Variants in TG observed in about 807,000 individuals in gnomAD.
The protein encoded by TG is thyroid hormones.
Under a neutral mutation model 324.7 loss-of-function variants are expected in TG, and 270 were observed. The ratio of observed to expected loss-of-function variants is 0.83; its 90% confidence interval spans 0.75 to 0.92. TG has a LOEUF of 0.92. Among genes scored for constraint, TG ranks in the 40% least tolerant of loss-of-function variants. The probability of loss-of-function intolerance (pLI) is 0.00; values close to 1 mark genes in which losing one functional copy is unlikely to be tolerated. For missense variants in TG, 3,591 were observed against 3,456.4 expected, an observed-to-expected ratio of 1.04 and a Z score of -0.98; for synonymous variants, 1,401 against 1,327.0, an observed-to-expected ratio of 1.06 and a Z score of -1.21.
chr8:132,957,204 T>C (rs567948855), intron 27 of TG, among the ~76,000 whole-genome samples: 2 of 152,270 alleles, frequency 1.3e-5, no homozygotes, highest in Admixed American at 1.3e-4. Flanking sequence ...TCTCTGTAGG[T>C]GCTGGTCAGG....
chr8:133,046,565 AC>A (rs1839440306), intron 41 of TG: 2 of 152,180 alleles, frequency 1.3e-5, no homozygotes, highest in South Asian at 4.1e-4. Flanking sequence ...GGCCTGCCAC[AC>A]CCACCCAGCC....
At chr8:132,905,868 G>C (rs1371882788) in intron 16 of TG, among the ~76,000 whole-genome samples, 2 of 152,116 alleles carry the variant, frequency 1.3e-5, no homozygotes, top group Non-Finnish European at 2.9e-5. Context: ...GATATTTGAG[G>C]GTCAAAAAGG....
chr8:133,024,314 CTTT>C (rs1835828619), intron 40 of TG, among the ~76,000 whole-genome samples: 1 of 15,760 alleles, frequency 6.3e-5, no homozygotes, highest in Non-Finnish European at 1.4e-4. Flanking sequence ...CATTTTCTTT[CTTT>C]CTTTCTTTCT....
At chr8:133,021,031 C>G (rs1029624196) in intron 39 of TG, among the ~76,000 whole-genome samples, 1 of 152,112 alleles carries the variant, frequency 6.6e-6, no homozygotes, top group African/African-American at 2.4e-5. Context: ...GCCTCAGATC[C>G]CCAGCTCAGA....
chr8:132,883,759 G>C (rs1587233961), intron 8 of TG, among the ~76,000 whole-genome samples: 1 of 152,144 alleles, frequency 6.6e-6, no homozygotes, highest in Non-Finnish European at 1.5e-5. Flanking sequence ...CGGAGGCAAC[G>C]GGGCTAATTA....
intron 35 of TG, among the ~76,000 whole-genome samples, chr8:132,996,723 ATGG>A (rs1296521998): frequency 2.0e-5 from 3 of 152,160 alleles, no homozygotes; most frequent in African/African-American, 7.2e-5. Flanking sequence ...TTTAGAGGTG[ATGG>A]TGGTGGAGGA....
intron 27 of TG, among the ~76,000 whole-genome samples, chr8:132,951,078 A>C (rs1826036060): frequency 6.6e-6 from 1 of 151,992 alleles, no homozygotes; most frequent in Non-Finnish European, 1.5e-5. Context: ...ACTTCTCTGT[A>C]TGGGCCCTTG....
At chr8:133,032,952 A>G (rs747065816) in intron 41 of TG, among the ~76,000 whole-genome samples, 2 of 152,198 alleles carry the variant, frequency 1.3e-5, no homozygotes, top group Non-Finnish European at 2.9e-5. Context: ...GTGACCTACC[A>G]AAGAACACAC....
intron 41 of TG, among the ~76,000 whole-genome samples, chr8:133,041,170 G>A (rs544215821): frequency 1.1e-3 from 165 of 152,338 alleles, no homozygotes; most frequent in Non-Finnish European, 9.0e-4. Flanking sequence ...AGGGGGTGAG[G>A]TGCCACTGGC....
In TG at chr8:132,967,954, C is replaced by T. The variant is rs760864676; in HGVS notation, c.5847C>T (p.Ala1949=). 29 of 1,613,512 alleles carry T rather than the reference C, an allele frequency of 1.8e-5. No individual in the cohort carries two copies. Among genetic ancestry groups the T allele is most frequent in the Non-Finnish European group, 2.5e-5 (29 of 1,179,822 alleles). The change falls in exon 31 of 48, where the codon GCC becomes GCT. Residue 1949 remains alanine, a synonymous_variant. Coordinates refer to ENST00000220616, the MANE Select transcript of TG (RefSeq NM_003235.5). ...CRLILPQMPK[A]LFRKKVILED... Reference sequence around the variant, plus strand: ...TGATCCTGCCTCAGATGCCAAAGGCCCTGTTCCGGAAGAAAGGTGAGCACT... The same window carrying T: ...TGATCCTGCCTCAGATGCCAAAGGCTCTGTTCCGGAAGAAAGGTGAGCACT...
intron 34 of TG, among the ~76,000 whole-genome samples, chr8:132,982,927 T>C (rs1831062350): frequency 6.6e-6 from 1 of 152,154 alleles, no homozygotes; most frequent in Non-Finnish European, 1.5e-5. Context: ...CTAACTTTGG[T>C]CAATGTCATG....
intron 43 of TG, among the ~76,000 whole-genome samples, chr8:133,101,883 G>A (rs527421123): frequency 2.9e-4 from 44 of 152,282 alleles, no homozygotes; most frequent in Admixed American, 1.1e-3. Context: ...CCAGGACCCC[G>A]CTCCCTTGGT....
intron 41 of TG, among the ~76,000 whole-genome samples, chr8:133,079,200 G>T (rs1845372484): frequency 6.6e-6 from 1 of 152,204 alleles, no homozygotes; most frequent in Admixed American, 6.5e-5. Flanking sequence ...ACACTGTCAG[G>T]AGGTCAGGCT....
chr8:132,948,292 TGAGCGA>T (rs988874262), intron 26 of TG, among the ~76,000 whole-genome samples: 8 of 150,116 alleles, frequency 5.3e-5, no homozygotes, highest in African/African-American at 1.2e-4. Flanking sequence ...AGAGCGAGAG[TGAGCGA>T]GAGCGAGAGT....
intron 32 of TG, among the ~76,000 whole-genome samples, chr8:132,971,056 T>A (rs544467340): frequency 1.3e-5 from 2 of 151,742 alleles, no homozygotes; most frequent in African/African-American, 4.8e-5. Context: ...CTCTCAGGAG[T>A]CACGAATGAG....
intron 41 of TG, among the ~76,000 whole-genome samples, chr8:133,070,140 G>A (rs1314732598): frequency 6.6e-6 from 1 of 152,110 alleles, no homozygotes; most frequent in Non-Finnish European, 1.5e-5. Context: ...AATGTTTCAG[G>A]GGGAAAAATT....
At chr8:133,081,906 A>G (rs1283321253) in intron 41 of TG, among the ~76,000 whole-genome samples, 3 of 152,206 alleles carry the variant, frequency 2.0e-5, no homozygotes, top group Non-Finnish European at 1.5e-5. Context: ...GCCCCACTCA[A>G]GAGAACACAG....
intron 41 of TG, among the ~76,000 whole-genome samples, chr8:133,057,567 C>G (rs1355272205): frequency 6.6e-6 from 1 of 152,120 alleles, no homozygotes; most frequent in Non-Finnish European, 1.5e-5. Flanking sequence ...GGGACTTGTT[C>G]CAGATCTCTG....
At position 132,900,326 on chromosome 8, in the gene TG, C is replaced by T. The variant is rs1161611969; in HGVS notation, c.3420C>T (p.Ser1140=). The T allele has an allele frequency of 2.5e-6, 4 of 1,612,446 alleles. No individual in the cohort carries two copies. The highest frequency in any genetic ancestry group is 3.3e-5 in the Admixed American group (2 of 59,908). Residue 1140 remains serine (S), a synonymous_variant, in exon 15 of 48, where the codon AGC becomes AGT. Coordinates refer to ENST00000220616, the MANE Select transcript of TG (RefSeq NM_003235.5). The part of the protein sequence containing the change: ...ASGEELRPGS[S]SSAQCPSLCN... Reference sequence around the variant, plus strand: ...GAGAAGAGTTGCGGCCTGGCTCGAGCAGCAGTGCCCAGTGTGAGTAGCAGC... The same window carrying T: ...GAGAAGAGTTGCGGCCTGGCTCGAGTAGCAGTGCCCAGTGTGAGTAGCAGC...
Sources: allele counts gnomAD v4.1 joint callset (sites outside exome capture counted in the v4.1 genomes callset), GRCh38; gene constraint gnomAD v4.1.1; transcripts MANE v1.5; gene names NCBI Gene and HGNC (gene_info 2026-07-23, HGNC 2026-07-21).